The following MTSS2 variants were observed in gnomAD, a reference collection of about 807,000 sequenced individuals.
MTSS2 encodes the protein MTSS I-BAR domain containing 2.
In MTSS2, 27 loss-of-function variants were observed where a neutral mutation model predicts 67.1. The observed-to-expected ratio is 0.40, with a 90% CI of 0.30 to 0.55. The LOEUF is 0.55. Among genes scored for constraint, MTSS2 ranks in the 20% least tolerant of loss-of-function variants. The pLI is 0.43. For synonymous variants in MTSS2, 624 were observed against 468.6 expected, an observed-to-expected ratio of 1.33 and a Z score of -4.28; for missense variants, 1,171 against 1,067.8, an observed-to-expected ratio of 1.10 and a Z score of -1.35.
intron 11 of MTSS2, 80 bp downstream of exon 11, chr16:70,674,226 T>C (rs939915195): frequency 1.8e-6 from 2 of 1,127,876 alleles, no homozygotes; most frequent in Non-Finnish European, 2.5e-6. Context: ...ACAGCTATAG[T>C]AGTCCCGCAT....
At position 70,663,333 on chromosome 16, in the gene MTSS2, G is replaced by T. The variant is rs1322155446; in HGVS notation, c.*344C>A. 2 of 306,252 alleles carry T rather than the reference G, an allele frequency of 6.5e-6. No homozygotes were observed. Among genetic ancestry groups the T allele is most frequent in the Non-Finnish European group, 6.0e-6 (1 of 166,380 alleles). The allele number at this position is 306,252 out of a possible 1,614,324, so 19.0% of individuals were successfully genotyped here. A position where few individuals can be genotyped will look rare whatever the true frequency, so the allele number is the denominator to read the frequency against. On this transcript the variant is annotated 3_prime_UTR_variant, in exon 15 of 15. Coordinates refer to ENST00000338779, the MANE Select transcript of MTSS2 (RefSeq NM_138383.3). ...CCTGGGAGAGGCCGGGATGGTGAAA[G>T]GGAGGCCAGCCTGGCCCCTCTGTCA... is the stretch of plus-strand genomic sequence containing the variant.
At position 70,663,477 on chromosome 16, in the gene MTSS2, C is replaced by T; in HGVS notation, c.*200G>A. The stretch of plus-strand genomic sequence containing the variant: ...CGAACCAGGCCCAGGCCTGCAGGCT[C>T]CGTCCTGGCCAGGCTTGCTAAGAAG... On this transcript the variant is annotated 3_prime_UTR_variant, in exon 15 of 15. Coordinates refer to ENST00000338779, the MANE Select transcript of MTSS2 (RefSeq NM_138383.3). 1 of 1,035,526 alleles carries T rather than the reference C, an allele frequency of 9.7e-7. No homozygotes were observed. The highest frequency in any genetic ancestry group is 1.3e-6 in the Non-Finnish European group (1 of 747,756). The allele number at this position is 1,035,526 out of a possible 1,614,324, so 64.1% of individuals were successfully genotyped here.
chr16:70,667,714 A>G (rs2052769301), intron 11 of MTSS2, among the ~76,000 whole-genome samples: 1 of 152,108 alleles, frequency 6.6e-6, no homozygotes, highest in Non-Finnish European at 1.5e-5. Flanking sequence ...CTCTACTAAA[A>G]ATACAAAAAT....
At position 70,664,055 on chromosome 16, in the gene MTSS2, G is replaced by C; in HGVS notation, c.1866C>G (p.Thr622=). ...SEECVFYTDE[T]ASPLAPDLAK... Reference sequence around the variant, plus strand: ...CGAGGTCCGGTGCCAGGGGTGAGGCGGTCTCGTCGGTATAGAAGACGCACT... The same window carrying C: ...CGAGGTCCGGTGCCAGGGGTGAGGCCGTCTCGTCGGTATAGAAGACGCACT... Residue 622 remains threonine (T), a synonymous_variant, in exon 15 of 15, where the codon ACC becomes ACG. Coordinates refer to ENST00000338779, the MANE Select transcript of MTSS2 (RefSeq NM_138383.3). 1 of 1,610,672 alleles carries C rather than the reference G, an allele frequency of 6.2e-7. No homozygotes were observed. The highest frequency in any genetic ancestry group is 1.3e-5 in the African/African-American group (1 of 75,014).
In MTSS2 at chr16:70,685,713, C is replaced by A; in HGVS notation, c.69+10G>T. On this transcript the variant is annotated intron_variant, in intron 1 of 14. Coordinates refer to ENST00000338779, the MANE Select transcript of MTSS2 (RefSeq NM_138383.3). Reference sequence around the variant, plus strand: ...TCGCCGCGCGCCCGGCCCCGCCGCGCCCCGGTTACCTTCATGTCGTTGACT... The same window carrying A: ...TCGCCGCGCGCCCGGCCCCGCCGCGACCCGGTTACCTTCATGTCGTTGACT... The A allele has an allele frequency of 7.5e-7, 1 of 1,332,736 alleles. No homozygotes were observed. Among genetic ancestry groups the A allele is most frequent in the South Asian group, 1.6e-5 (1 of 63,440 alleles). 82.6% of individuals were successfully genotyped at this position (1,332,736 alleles called of 1,614,324 possible). A position where few individuals can be genotyped will look rare whatever the true frequency, so the allele number is the denominator to read the frequency against.
At chr16:70,667,428 A>G (rs1567489142) in intron 11 of MTSS2, among the ~76,000 whole-genome samples, 1 of 152,198 alleles carries the variant, frequency 6.6e-6, no homozygotes, top group African/African-American at 2.4e-5. Flanking sequence ...GATCAATCAC[A>G]TTTCTAAATA....
Position 70,664,694 on chromosome 16 carries a change from G to T in MTSS2, c.1375C>A (p.His459Asn). Residue 459 changes from histidine to asparagine, a missense_variant, in exon 14 of 15, where the codon CAC becomes AAC. Transcript: ENST00000338779. ...MVLTRGLSLE[H>N]QKSSRDSLQY... ...AGCGAGTCCCGGCTGCTCTTCTGGTGCTCCAGGCTCAGGCCCCGCGTCAGC... is the reference window on the plus strand; with the variant it reads ...AGCGAGTCCCGGCTGCTCTTCTGGTTCTCCAGGCTCAGGCCCCGCGTCAGC... 1 of 1,613,280 alleles carries T rather than the reference G, an allele frequency of 6.2e-7. No individual in the cohort carries two copies. The highest frequency in any genetic ancestry group is 8.5e-7 in the Non-Finnish European group (1 of 1,179,854).
At chr16:70,684,672 G>C (rs956196930) in intron 1 of MTSS2, among the ~76,000 whole-genome samples, 2 of 152,132 alleles carry the variant, frequency 1.3e-5, no homozygotes, top group Non-Finnish European at 2.9e-5. Context: ...GGGGTGCCTC[G>C]TTCTTTCCCC....
rs770082601 is a variant in MTSS2, at chr16:70,681,018, T to C, written c.77A>G (p.Tyr26Cys). Residue 26 changes from tyrosine (Y) to cysteine (C), a missense_variant, in exon 2 of 15, where the codon TAC (tyrosine) becomes TGC (cysteine). Physicochemically the swap from Tyr to Cys is radical, Grantham distance 194. Around this residue, in one of 2 missense-constraint regions of MTSS2, gnomAD observed 247 missense variants for 311.8 expected, o/e 0.79. Coordinates refer to ENST00000338779, the MANE Select transcript of MTSS2 (RefSeq NM_138383.3). ...QAIVNDMKSS[Y>C]PIWEDFNSKA... The stretch of plus-strand genomic sequence containing the variant: ...GGAGTTGAAGTCCTCCCAGATAGGG[T>C]AGGAGCTCTGCCGGGCAAATGGGAG... 1.2e-6 allele frequency: 2 copies of C among 1,609,160 alleles called. No homozygotes were observed. Among genetic ancestry groups the C allele is most frequent in the Middle Eastern group, 3.3e-4 (2 of 6,054 alleles).
chr16:70,676,913 G>A lies in MTSS2; in HGVS notation c.798C>T (p.Ser266=). Residue 266 remains serine (S), a synonymous_variant, in exon 10 of 15, where the codon AGC becomes AGT. Transcript: ENST00000338779. ...TGCTGGACTTCCGGGAGCTGGAGCT[G>A]CTGGGTGATGAGGGTGGGGTCTGGT... ...WSYQTPPSSP[S]SSSSRKSSMC... is the part of the protein sequence containing the mutation. 6.2e-7 allele frequency: 1 copy of A among 1,613,782 alleles called. No homozygotes were observed. Among genetic ancestry groups the A allele is most frequent in the South Asian group, 1.1e-5 (1 of 91,068 alleles).
rs1304886546 is a variant in MTSS2, at chr16:70,661,777, T to C, written c.*1900A>G. 5.3e-6 allele frequency: 1 copy of C among 187,202 alleles called. No individual in the cohort carries two copies. Among genetic ancestry groups the C allele is most frequent in the Non-Finnish European group, 1.1e-5 (1 of 89,992 alleles). 11.6% of individuals were successfully genotyped at this position (187,202 alleles called of 1,614,324 possible). A position where few individuals can be genotyped will look rare whatever the true frequency, so the allele number is the denominator to read the frequency against. On this transcript the variant is annotated 3_prime_UTR_variant, in exon 15 of 15. Transcript: ENST00000338779. ...CCTCTCTGGGTAGCCCCTGCCTCCT[T>C]TCCCATCAGGACCTCTGACGCCCAG... is the stretch of plus-strand genomic sequence containing the variant.
intron 11 of MTSS2, among the ~76,000 whole-genome samples, chr16:70,668,186 G>C (rs1166883619): frequency 6.6e-6 from 1 of 152,060 alleles, no homozygotes; most frequent in Non-Finnish European, 1.5e-5. Flanking sequence ...GCTGAGGTGG[G>C]TGGATTGCTT....
At chr16:70,670,779 CAT>C (rs1158662368) in intron 11 of MTSS2, among the ~76,000 whole-genome samples, 1 of 151,864 alleles carries the variant, frequency 6.6e-6, no homozygotes, top group Non-Finnish European at 1.5e-5. Context: ...GCCTAGGAAA[CAT>C]AGTGAGACCC....
Position 70,663,350 on chromosome 16 carries a change from CCT to C in MTSS2, c.*325_*326del, listed in dbSNP as rs1360710812. 3 of 343,574 alleles carry C rather than the reference CCT, an allele frequency of 8.7e-6. No homozygotes were observed. The highest frequency in any genetic ancestry group is 1.6e-5 in the Non-Finnish European group (3 of 190,124). The allele number at this position is 343,574 out of a possible 1,614,324, so 21.3% of individuals were successfully genotyped here. ...TGGTGAAAGGGAGGCCAGCCTGGCC[CCT>C]CTGTCATGGGCAGCGGCCCTGGCTC... On this transcript the variant is annotated 3_prime_UTR_variant, in exon 15 of 15. Transcript: ENST00000338779.
chr16:70,661,363 C>T lies in MTSS2; in HGVS notation c.*2314G>A, dbSNP rs1597788180. ...ACGGAAAGAAAAGAAACAAATGGTT[C>T]AGATGGGACGGAGGGTGGGGGAGGG... On this transcript the variant is annotated 3_prime_UTR_variant, in exon 15 of 15. Transcript: ENST00000338779. 5.8e-6 allele frequency: 2 copies of T among 344,204 alleles called. No individual in the cohort carries two copies. The highest frequency in any genetic ancestry group is 1.8e-5 in the South Asian group (1 of 56,148). The allele number at this position is 344,204 out of a possible 1,614,324, so 21.3% of individuals were successfully genotyped here. A position where few individuals can be genotyped will look rare whatever the true frequency, so the allele number is the denominator to read the frequency against.
At chr16:70,671,546 G>A (rs984599666) in intron 11 of MTSS2, among the ~76,000 whole-genome samples, 9 of 152,086 alleles carry the variant, frequency 5.9e-5, no homozygotes, top group Non-Finnish European at 1.3e-4. Flanking sequence ...TCTTTTTATG[G>A]TAGAATCTCA....
In MTSS2 at chr16:70,676,344, C is replaced by T. The variant is rs918807601; in HGVS notation, c.830+537G>A. On this transcript the variant is annotated intron_variant, in intron 10 of 14. Coordinates refer to ENST00000338779, the MANE Select transcript of MTSS2 (RefSeq NM_138383.3). ...CTAGCCTGGGCCAAGGCTCCAAATG[C>T]GGCAGCTGCCTCCATGGGAACCAGC... is the stretch of plus-strand genomic sequence containing the variant. Among the ~76,000 whole-genome samples the T allele has an allele frequency of 2.5e-4, 38 of 152,224 alleles. 1 individual carries two copies. The highest frequency in any genetic ancestry group is 5.3e-4 in the Non-Finnish European group (36 of 68,034).
rs538471543 is a variant in MTSS2 at position 70,667,641 on chromosome 16, G to C, written c.1054-2101C>G. ...TACTCCCAGCACTTTGGGAGGCCAA[G>C]ACGGGAGGATCACATGAGGCCACAA... On this transcript the variant is annotated intron_variant, in intron 11 of 14. Coordinates refer to ENST00000338779, the MANE Select transcript of MTSS2 (RefSeq NM_138383.3). Among the ~76,000 whole-genome samples the C allele has an allele frequency of 2.6e-5, 4 of 152,322 alleles. No individual in the cohort carries two copies. In the East Asian group the frequency reaches 7.7e-4, roughly 29 times the overall value.
intron 7 of MTSS2, 48 bp downstream of exon 7, chr16:70,679,267 T>C (rs2053219692): frequency 1.2e-6 from 2 of 1,610,122 alleles, no homozygotes. Context: ...GACAGACAAA[T>C]GCGACAAGGA....
Sources: gnomAD v4.1 joint callset for allele counts (sites outside exome capture counted in the v4.1 genomes callset) on GRCh38, gnomAD v4.1.1 for gene constraint, gnomAD v4.1.1 regional missense constraint, MANE v1.5 for transcripts, NCBI Gene and HGNC (gene_info 2026-07-23, HGNC 2026-07-21) for gene names.